PTPN11: variants seen among roughly 807,000 people sequenced by gnomAD.
PTPN11 encodes the protein protein tyrosine phosphatase non-receptor type 11.
A neutral mutation model predicts 78.8 loss-of-function variants in PTPN11; 6 were observed. That is an observed-to-expected ratio of 0.08 (90% confidence interval 0.04 to 0.15). PTPN11 has a LOEUF of 0.15. Among genes scored for constraint, PTPN11 ranks in the 10% least tolerant of loss-of-function variants. The pLI, the probability that PTPN11 is intolerant of heterozygous loss-of-function variation, is 1.00. For synonymous variants in PTPN11, 221 were observed against 263.5 expected (o/e 0.84, Z 1.56); for missense variants, 386 against 744.8 (o/e 0.52, Z 5.61).
chr12:112,453,646 GTTT>G (rs376601242), intron 4 of PTPN11, among the ~76,000 whole-genome samples: 16 of 116,574 alleles, frequency 1.4e-4, no homozygotes, highest in African/African-American at 4.9e-4. Flanking sequence ...CAGATTTTCT[GTTT>G]TTTTTTTTTT....
At chr12:112,468,788 G>A (rs1011013454) in intron 6 of PTPN11, among the ~76,000 whole-genome samples, 1 of 152,224 alleles carries the variant, frequency 6.6e-6, no homozygotes, top group Non-Finnish European at 1.5e-5. Context: ...CGCAGGACAG[G>A]TGCAGTGGCT....
intron 10 of PTPN11, among the ~76,000 whole-genome samples, chr12:112,483,688 G>A (rs184968868): frequency 2.0e-5 from 3 of 152,230 alleles, no homozygotes; most frequent in South Asian, 2.1e-4. Flanking sequence ...TAGTGCAGCC[G>A]TCAGAGTAAA....
intron 6 of PTPN11, among the ~76,000 whole-genome samples, chr12:112,456,995 A>C (rs1042077068): frequency 1.3e-5 from 2 of 152,154 alleles, no homozygotes; most frequent in Non-Finnish European, 2.9e-5. Flanking sequence ...AGGTTTGTAC[A>C]TAGGTATACA....
chr12:112,445,601 A>G (rs2037980365), intron 1 of PTPN11, among the ~76,000 whole-genome samples: 1 of 150,876 alleles, frequency 6.6e-6, no homozygotes, highest in Middle Eastern at 3.5e-3. Flanking sequence ...CTGGCTTGCT[A>G]TCCTCAACAT....
intron 7 of PTPN11, among the ~76,000 whole-genome samples, chr12:112,473,734 C>T (rs1403635023): frequency 1.3e-5 from 2 of 151,764 alleles, no homozygotes; most frequent in African/African-American, 4.8e-5. Flanking sequence ...GTAATCCCAG[C>T]TACTCGGGAG....
chr12:112,492,616 G>C (rs140045047), intron 13 of PTPN11, among the ~76,000 whole-genome samples: 2,244 of 151,284 alleles, frequency 0.015, 59 homozygotes, highest in African/African-American at 0.051. Flanking sequence ...CTCCCGGGTT[G>C]ACGCCATTCT....
chr12:112,443,408 G>T (rs1439330326), intron 1 of PTPN11, among the ~76,000 whole-genome samples: 7 of 151,272 alleles, frequency 4.6e-5, no homozygotes, highest in Non-Finnish European at 1.0e-4. Context: ...GCCCAGGCTG[G>T]AGTATAATGA....
chr12:112,450,017 C>T (rs903816309), intron 2 of PTPN11, among the ~76,000 whole-genome samples: 13 of 150,172 alleles, frequency 8.7e-5, no homozygotes, highest in Non-Finnish European at 1.8e-4. Context: ...AAATCCACCG[C>T]GAAGGTTGCG....
chr12:112,499,702 C>G (rs577034634), intron 13 of PTPN11, among the ~76,000 whole-genome samples: 2 of 152,242 alleles, frequency 1.3e-5, no homozygotes, highest in Non-Finnish European at 2.9e-5. Context: ...GTAAACCCAG[C>G]ACTTTGGGAG....
intron 9 of PTPN11, among the ~76,000 whole-genome samples, chr12:112,479,904 C>T (rs954711578): frequency 4.6e-5 from 7 of 152,072 alleles, no homozygotes; most frequent in Non-Finnish European, 7.4e-5. Context: ...TTGGTGGTGC[C>T]GAGAGGATGA....
In PTPN11 at chr12:112,446,292, A is replaced by G. The variant is rs1472357430; in HGVS notation, c.31A>G (p.Ile11Val). 1.2e-6 allele frequency: 2 copies of G among 1,613,976 alleles called. No individual in the cohort carries two copies. The highest frequency in any genetic ancestry group is 1.7e-6 in the Non-Finnish European group (2 of 1,179,974). The change falls in exon 2 of 16, where the codon ATC becomes GTC. Residue 11 changes from isoleucine to valine, a missense_variant. Physicochemically the swap from Ile to Val is conservative, Grantham distance 29 (BLOSUM62 3). This residue lies in a region of PTPN11 where 279 missense variants were observed against 503.3 expected (regional missense o/e 0.55). Coordinates refer to ENST00000351677, the MANE Select transcript of PTPN11 (RefSeq NM_002834.5). ...CTTTTTAAGATGGTTTCACCCAAAT[A>G]TCACTGGTGTGGAGGCAGAAAACCT... MTSRRWFHPN[I>V]TGVEAENLLL... is the part of the protein sequence containing the mutation.
At chr12:112,472,438 G>T (rs538161496) in intron 6 of PTPN11, among the ~76,000 whole-genome samples, 1 of 152,090 alleles carries the variant, frequency 6.6e-6, no homozygotes, top group South Asian at 2.1e-4. Context: ...TCTTTTGTAT[G>T]AACAAACAAT....
chr12:112,467,641 C>T (rs192687998), intron 6 of PTPN11, among the ~76,000 whole-genome samples: 32 of 152,230 alleles, frequency 2.1e-4, no homozygotes, highest in Non-Finnish European at 4.3e-4. Flanking sequence ...ACTACAGGCG[C>T]GCATCACAAT....
intron 1 of PTPN11, among the ~76,000 whole-genome samples, chr12:112,431,990 G>C (rs761081360): frequency 6.6e-6 from 1 of 152,026 alleles, no homozygotes; most frequent in Non-Finnish European, 1.5e-5. Flanking sequence ...GTAATTTTCT[G>C]GTTATATCAA....
intron 13 of PTPN11, among the ~76,000 whole-genome samples, chr12:112,494,004 G>T (rs538756028): frequency 3.6e-4 from 55 of 152,250 alleles, no homozygotes; most frequent in Admixed American, 1.4e-3. Context: ...TGTAATCCCA[G>T]CACTTTGGAA....
intron 1 of PTPN11, among the ~76,000 whole-genome samples, chr12:112,435,911 A>T (rs1235721109): frequency 6.6e-6 from 1 of 152,128 alleles, no homozygotes; most frequent in Non-Finnish European, 1.5e-5. Flanking sequence ...CAGGCCGGGC[A>T]TGGTGGCTCA....
chr12:112,435,426 A>T (rs1272031666), intron 1 of PTPN11, among the ~76,000 whole-genome samples: 3 of 152,144 alleles, frequency 2.0e-5, no homozygotes, highest in African/African-American at 4.8e-5. Context: ...AATCTATTTT[A>T]AAAAAAGAAG....
chr12:112,495,690 A>G (rs1008120503), intron 13 of PTPN11, among the ~76,000 whole-genome samples: 1 of 152,242 alleles, frequency 6.6e-6, no homozygotes, highest in African/African-American at 2.4e-5. Flanking sequence ...CATTTAATGC[A>G]TCTAAACTAC....
intron 1 of PTPN11, among the ~76,000 whole-genome samples, chr12:112,442,966 T>TATACA: frequency 6.8e-6 from 1 of 148,042 alleles, no homozygotes; most frequent in South Asian, 2.1e-4. Flanking sequence ...CACATGTATA[T>TATACA]ATACATGTGT....
Sources: allele counts gnomAD v4.1 joint callset (sites outside exome capture counted in the v4.1 genomes callset), GRCh38; gene constraint gnomAD v4.1.1; regional missense constraint gnomAD v4.1.1; transcripts MANE v1.5; gene names NCBI Gene and HGNC (gene_info 2026-07-23, HGNC 2026-07-21).